The following SGCZ variants were observed in gnomAD, a reference collection of about 807,000 sequenced individuals.
SGCZ encodes the protein sarcoglycan zeta.
A neutral mutation model predicts 41.3 loss-of-function variants in SGCZ; 40 were observed. The observed-to-expected ratio is 0.97, with a 90% CI of 0.75 to 1.26. The LOEUF is 1.26. Ranked by LOEUF, SGCZ falls within the 50% of genes most tolerant of loss-of-function variation. The pLI is 0.00. For synonymous variants in SGCZ, 206 were observed against 137.5 expected (o/e 1.50, Z -3.49); for missense variants, 552 against 369.8 (o/e 1.49, Z -4.04).
intron 2 of SGCZ, among the ~76,000 whole-genome samples, chr8:14,363,531 C>G (rs1318134780): frequency 1.3e-5 from 2 of 151,856 alleles, no homozygotes; most frequent in East Asian, 3.9e-4. Flanking sequence ...CTTTTCTTTT[C>G]TTCTTCTTTT....
intron 1 of SGCZ, among the ~76,000 whole-genome samples, chr8:15,012,623 A>G (rs1208313063): frequency 7.9e-6 from 1 of 126,350 alleles, no homozygotes; most frequent in Non-Finnish European, 1.6e-5. Context: ...ATATGTTTAT[A>G]TAATATATAA....
chr8:14,394,326 T>C (rs1455683906), intron 2 of SGCZ, among the ~76,000 whole-genome samples: 1 of 151,866 alleles, frequency 6.6e-6, no homozygotes, highest in African/African-American at 2.4e-5. Flanking sequence ...AATTTTTGTG[T>C]TTCTAACAGA....
At chr8:14,457,029 G>C (rs1271147669) in intron 2 of SGCZ, among the ~76,000 whole-genome samples, 1 of 152,122 alleles carries the variant, frequency 6.6e-6, no homozygotes, top group Admixed American at 6.6e-5. Flanking sequence ...AGCCACCCAG[G>C]CACCGAGGCA....
At chr8:14,252,299 G>C (rs556010519) in intron 3 of SGCZ, among the ~76,000 whole-genome samples, 87 of 151,688 alleles carry the variant, frequency 5.7e-4, no homozygotes, top group African/African-American at 2.1e-3. Context: ...ATATATTTTT[G>C]TCATGTATTT....
intron 2 of SGCZ, among the ~76,000 whole-genome samples, chr8:14,350,514 T>C (rs149476149): frequency 6.6e-6 from 1 of 152,184 alleles, no homozygotes; most frequent in Non-Finnish European, 1.5e-5. Flanking sequence ...TTTCCAGGAA[T>C]TGCCTAAGCT....
chr8:14,102,553 T>TAATAGAAA (rs1412326614), intron 6 of SGCZ, 54 bp from the exon 7 acceptor site: 2 of 1,290,602 alleles, frequency 1.5e-6, no homozygotes, highest in Non-Finnish European at 2.0e-6. Flanking sequence ...AAAAAATCAT[T>TAATAGAAA]AATAGAAAAA....
At chr8:14,648,806 A>G (rs1807306596) in intron 1 of SGCZ, among the ~76,000 whole-genome samples, 2 of 152,114 alleles carry the variant, frequency 1.3e-5, no homozygotes, top group African/African-American at 2.4e-5. Context: ...CTGAATCTCA[A>G]TATTTCGAGT....
intron 7 of SGCZ, among the ~76,000 whole-genome samples, chr8:14,092,171 G>A (rs1262577452): frequency 1.3e-5 from 2 of 151,996 alleles, no homozygotes; most frequent in Non-Finnish European, 1.5e-5. Context: ...TGTTCCATTG[G>A]TCTATAGATC....
At chr8:14,583,502 T>G (rs34153542) in intron 1 of SGCZ, among the ~76,000 whole-genome samples, 41,695 of 151,734 alleles carry the variant, frequency 0.27, 5,967 homozygotes, top group African/African-American at 0.35. Flanking sequence ...AGAAGCTCTT[T>G]AGTTTAATTA....
chr8:14,280,980 A>G (rs189802194), intron 3 of SGCZ, among the ~76,000 whole-genome samples: 1 of 152,006 alleles, frequency 6.6e-6, no homozygotes, highest in African/African-American at 2.4e-5. Flanking sequence ...CCTTTCTGAA[A>G]TGAGGTTGAT....
At chr8:14,236,380 T>A (rs1236282693) in intron 4 of SGCZ, among the ~76,000 whole-genome samples, 1 of 152,200 alleles carries the variant, frequency 6.6e-6, no homozygotes, top group African/African-American at 2.4e-5. Flanking sequence ...TTTTTACAAA[T>A]AAAACTATAT....
chr8:14,550,311 C>G (rs908942231), intron 2 of SGCZ, among the ~76,000 whole-genome samples: 4 of 149,854 alleles, frequency 2.7e-5, no homozygotes, highest in African/African-American at 4.9e-5. Context: ...TACATGCATA[C>G]AAATATTTAT....
chr8:14,859,629 AC>A (rs916375542), intron 1 of SGCZ, among the ~76,000 whole-genome samples: 1 of 152,102 alleles, frequency 6.6e-6, no homozygotes, highest in Non-Finnish European at 1.5e-5. Context: ...TATGCTCCAA[AC>A]CTTTGGCTCC....
intron 4 of SGCZ, among the ~76,000 whole-genome samples, chr8:14,194,005 T>G (rs1029213402): frequency 6.6e-6 from 1 of 151,796 alleles, no homozygotes; most frequent in Admixed American, 6.6e-5. Flanking sequence ...TCTTGACAAG[T>G]CAGCATGATG....
intron 1 of SGCZ, among the ~76,000 whole-genome samples, chr8:14,927,817 T>C (rs1467394816): frequency 1.3e-5 from 2 of 152,140 alleles, no homozygotes; most frequent in Non-Finnish European, 2.9e-5. Flanking sequence ...TGACCCTATG[T>C]TTCTTCTTTC....
At chr8:15,060,334 C>T (rs1804875300) in intron 1 of SGCZ, among the ~76,000 whole-genome samples, 1 of 151,908 alleles carries the variant, frequency 6.6e-6, no homozygotes, top group African/African-American at 2.4e-5. Flanking sequence ...GAATACTATG[C>T]AGCCATAAAA....
At chr8:15,076,771 G>C (rs1049027268) in intron 1 of SGCZ, among the ~76,000 whole-genome samples, 1 of 74,806 alleles carries the variant, frequency 1.3e-5, no homozygotes, top group East Asian at 3.4e-4. Context: ...TTTTTTTTTT[G>C]CTTCCCTCCT....
intron 3 of SGCZ, among the ~76,000 whole-genome samples, chr8:14,282,847 C>CCTT (rs1800491996): frequency 1.1e-5 from 1 of 89,930 alleles, no homozygotes; most frequent in South Asian, 4.1e-4. Context: ...CTTTCAAATA[C>CCTT]TTTTTTTTTT....
At chr8:15,027,101 G>C (rs73521070) in intron 1 of SGCZ, among the ~76,000 whole-genome samples, 1 of 152,142 alleles carries the variant, frequency 6.6e-6, no homozygotes, top group Non-Finnish European at 1.5e-5. Context: ...AAATATGGCA[G>C]CTTTCTCAGA....
Sources: gnomAD v4.1 joint callset for allele counts (sites outside exome capture counted in the v4.1 genomes callset) on GRCh38, gnomAD v4.1.1 for gene constraint, MANE v1.5 for transcripts, NCBI Gene and HGNC (gene_info 2026-07-23, HGNC 2026-07-21) for gene names.